Variants in BRD10 observed in about 807,000 individuals in gnomAD.
The protein encoded by BRD10 is bromodomain containing 10.
chr9:5,884,854 C>T, the BRD10 span, among the ~76,000 whole-genome samples: 1 of 152,224 alleles, frequency 6.6e-6, no homozygotes, highest in East Asian at 1.9e-4. Flanking sequence ...CTTCTCTGCT[C>T]ACCTGCGAGA....
At chr9:5,958,079 A>C in the BRD10 span, among the ~76,000 whole-genome samples, 3 of 152,194 alleles carry the variant, frequency 2.0e-5, no homozygotes, top group Non-Finnish European at 1.5e-5. Context: ...CTTGAGCCTA[A>C]AACAGAAAGT....
the BRD10 span, chr9:6,007,792 C>CG: frequency 3.3e-6 from 5 of 1,527,092 alleles, no homozygotes; most frequent in Non-Finnish European, 4.4e-6. Flanking sequence ...ACTCATGCCC[C>CG]GGCAGGCCTA....
chr9:5,927,442 ACT>A, the BRD10 span, among the ~76,000 whole-genome samples: 1 of 151,438 alleles, frequency 6.6e-6, no homozygotes, highest in Non-Finnish European at 1.5e-5. Flanking sequence ...AACAAAACAC[ACT>A]CTCTTAACCT....
the BRD10 span, chr9:5,923,294 GACA>G: frequency 6.2e-7 from 1 of 1,605,644 alleles, no homozygotes; most frequent in East Asian, 2.2e-5. Flanking sequence ...ATCTATTTCT[GACA>G]ACTTCATATC....
chr9:5,886,986 C>T, the BRD10 span, among the ~76,000 whole-genome samples: 16 of 152,236 alleles, frequency 1.1e-4, no homozygotes, highest in Middle Eastern at 6.8e-3. Context: ...GGGCCAGGTG[C>T]AGTGGGTCGC....
chr9:6,005,418 T>G, the BRD10 span, among the ~76,000 whole-genome samples: 1 of 152,150 alleles, frequency 6.6e-6, no homozygotes, highest in African/African-American at 2.4e-5. Context: ...GGCACGAGTA[T>G]CGCTTGAACC....
the BRD10 span, among the ~76,000 whole-genome samples, chr9:5,888,815 T>C: frequency 2.0e-5 from 3 of 152,264 alleles, no homozygotes; most frequent in Non-Finnish European, 2.9e-5. Flanking sequence ...CATTTAGTGG[T>C]TGCTTCATGA....
chr9:5,948,767 G>A, the BRD10 span, among the ~76,000 whole-genome samples: 11 of 152,092 alleles, frequency 7.2e-5, no homozygotes, highest in African/African-American at 2.4e-4. Flanking sequence ...ATTCACTCCC[G>A]TTCTAATAAA....
the BRD10 span, among the ~76,000 whole-genome samples, chr9:5,985,285 C>G: frequency 2.4e-4 from 36 of 151,932 alleles, no homozygotes; most frequent in African/African-American, 8.7e-4. Flanking sequence ...CCAGAAAAAC[C>G]AAAACTTAAA....
the BRD10 span, among the ~76,000 whole-genome samples, chr9:5,998,247 A>G: frequency 1.3e-5 from 2 of 151,630 alleles, no homozygotes; most frequent in African/African-American, 4.8e-5. Context: ...AAAGAGGGAG[A>G]TTTTCTCTTG....
At chr9:6,001,565 G>C in the BRD10 span, among the ~76,000 whole-genome samples, 1 of 152,060 alleles carries the variant, frequency 6.6e-6, no homozygotes, top group Non-Finnish European at 1.5e-5. Flanking sequence ...ATGTGTTTCT[G>C]TTTACCTATC....
chr9:5,956,149 G>A, the BRD10 span, among the ~76,000 whole-genome samples: 1 of 151,960 alleles, frequency 6.6e-6, no homozygotes, highest in Non-Finnish European at 1.5e-5. Context: ...ATTTGATTTT[G>A]TATTCATTTA....
At chr9:5,920,550 T>C in the BRD10 span, 4 of 1,614,022 alleles carry the variant, frequency 2.5e-6, no homozygotes, top group Non-Finnish European at 3.4e-6. Flanking sequence ...TTACCTGGAC[T>C]TGTTGAAAGG....
chr9:5,906,658 T>G, the BRD10 span, among the ~76,000 whole-genome samples: 3 of 152,266 alleles, frequency 2.0e-5, no homozygotes, highest in Non-Finnish European at 4.4e-5. Context: ...CACTAGAGCT[T>G]TACTTCTAGT....
chr9:5,971,612 T>C, the BRD10 span, among the ~76,000 whole-genome samples: 2 of 152,252 alleles, frequency 1.3e-5, no homozygotes, highest in Non-Finnish European at 2.9e-5. Flanking sequence ...TGAAATGTCA[T>C]ACTATAACTG....
At chr9:5,988,326 T>A in the BRD10 span, 2 of 1,586,896 alleles carry the variant, frequency 1.3e-6, no homozygotes, top group Non-Finnish European at 1.7e-6. Flanking sequence ...AAATTATGAA[T>A]TTTTTTCTTA....
At chr9:5,949,556 T>TC in the BRD10 span, among the ~76,000 whole-genome samples, 1 of 152,180 alleles carries the variant, frequency 6.6e-6, no homozygotes, top group African/African-American at 2.4e-5. Context: ...GTAATATAAG[T>TC]CTTAGCAGCT....
chr9:5,902,781 A>T, the BRD10 span, among the ~76,000 whole-genome samples: 1 of 151,860 alleles, frequency 6.6e-6, no homozygotes, highest in African/African-American at 2.4e-5. Flanking sequence ...TACTGGCATT[A>T]TAGGCATGAG....
At chr9:5,910,718 G>C in the BRD10 span, 1 of 152,230 alleles carries the variant, frequency 6.6e-6, no homozygotes, top group Non-Finnish European at 1.5e-5. Context: ...CTGCCAGAAA[G>C]AAATTAGAAA....
Sources: allele counts gnomAD v4.1 joint callset (sites outside exome capture counted in the v4.1 genomes callset), GRCh38; gene constraint gnomAD v4.1.1; transcripts MANE v1.5; gene names NCBI Gene and HGNC (gene_info 2026-07-23, HGNC 2026-07-21).